The following PTPRN2 variants were observed in gnomAD, a reference collection of about 807,000 sequenced individuals.
The protein encoded by PTPRN2 is protein tyrosine phosphatase receptor type N2, also known as receptor-type tyrosine-protein phosphatase N2.
A neutral mutation model predicts 118.8 loss-of-function variants in PTPRN2; 74 were observed. That is an observed-to-expected ratio of 0.62 (90% CI 0.52 to 0.76). PTPRN2 has a LOEUF of 0.76. PTPRN2 is among the 30% of genes least tolerant of loss of function. The pLI, the probability that PTPRN2 is intolerant of heterozygous loss-of-function variation, is 0.00. For synonymous variants in PTPRN2, 641 were observed against 608.0 expected, an observed-to-expected ratio of 1.05 and a Z score of -0.80; for missense variants, 1,481 against 1,394.4, an observed-to-expected ratio of 1.06 and a Z score of -0.99.
In PTPRN2 at chr7:157,617,437, C is replaced by T. The variant is rs112686807; in HGVS notation, c.2344+3925G>A. On this transcript the variant is annotated intron_variant, in intron 15 of 22. Transcript: ENST00000389418. The surrounding 1 kb of genome is among the most constrained non-coding windows in gnomAD (Gnocchi z 7.5). ...GATGCCGTGGTTAGGACGCCGTTCACGCAGCTGCAGCGCAGAGCACGGGCG... is the reference window on the plus strand; with the variant it reads ...GATGCCGTGGTTAGGACGCCGTTCATGCAGCTGCAGCGCAGAGCACGGGCG... 2 of 146,050 alleles carry T rather than the reference C, an allele frequency of 1.4e-5. No individual in the cohort carries two copies. Among genetic ancestry groups the T allele is most frequent in the Non-Finnish European group, 3.0e-5 (2 of 66,936 alleles). 9.0% of individuals were successfully genotyped at this position (146,050 alleles called of 1,614,324 possible).
At chr7:158,224,803 G>A (rs1238509257) in intron 3 of PTPRN2, among the ~76,000 whole-genome samples, 5 of 152,160 alleles carry the variant, frequency 3.3e-5, no homozygotes. Flanking sequence ...CGCAGAGTTG[G>A]AGAAATATTG....
chr7:158,136,393 T>C (rs531911490), intron 8 of PTPRN2, among the ~76,000 whole-genome samples: 1 of 152,308 alleles, frequency 6.6e-6, no homozygotes, highest in Admixed American at 6.5e-5. Context: ...AAATTAATTT[T>C]CTTCTTTGCA....
At chr7:157,792,831 T>C (rs542356382) in intron 12 of PTPRN2, among the ~76,000 whole-genome samples, 2 of 152,294 alleles carry the variant, frequency 1.3e-5, no homozygotes, top group African/African-American at 4.8e-5. Flanking sequence ...CTGTACGTTC[T>C]ACAGCGTGGC....
chr7:158,484,446 T>C (rs1820859476), intron 2 of PTPRN2, among the ~76,000 whole-genome samples: 1 of 152,224 alleles, frequency 6.6e-6, no homozygotes, highest in African/African-American at 2.4e-5. Flanking sequence ...CACCGTAACC[T>C]CCACCTCCCA....
intron 2 of PTPRN2, among the ~76,000 whole-genome samples, chr7:158,339,669 T>C (rs1806276831): frequency 2.4e-5 from 1 of 42,406 alleles, no homozygotes; most frequent in Admixed American, 2.2e-4. Context: ...AAGTGACACC[T>C]GCAGACATCA....
At chr7:157,910,545 A>G (rs1037671196) in intron 11 of PTPRN2, among the ~76,000 whole-genome samples, 1 of 152,128 alleles carries the variant, frequency 6.6e-6, no homozygotes, top group Non-Finnish European at 1.5e-5. Context: ...ACGCCGTAGG[A>G]ACGGGCGCAG....
At position 157,963,082 on chromosome 7, in the gene PTPRN2, C is replaced by T. The variant is rs778277722; in HGVS notation, c.1724-64345G>A. On this transcript the variant is annotated intron_variant, in intron 11 of 22. Coordinates refer to ENST00000389418, the MANE Select transcript of PTPRN2 (RefSeq NM_002847.5). ...CACGGCAGACACTCAGCCAGCGCAG[C>T]GCCCAGCACAGACGTGCTCAGCAGA... Among the ~76,000 whole-genome samples the T allele has an allele frequency of 6.2e-4, 95 of 152,366 alleles. 1 individual carries two copies. Among genetic ancestry groups the T allele is most frequent in the Non-Finnish European group, 9.8e-4 (67 of 68,038 alleles).
intron 2 of PTPRN2, among the ~76,000 whole-genome samples, chr7:158,372,772 A>G (rs2151322440): frequency 6.6e-6 from 1 of 152,338 alleles, no homozygotes; most frequent in East Asian, 1.9e-4. Context: ...TGTTTTTTAT[A>G]CAGCTTGCAT....
rs528447698 is a variant in PTPRN2 at position 158,438,432 on chromosome 7, G to A, written c.163+51303C>T. ...ATAATTGTACATATTTATGGGCTAC[G>A]GTGTGATGTTTCAACACATATATAC... is the stretch of plus-strand genomic sequence containing the variant. On this transcript the variant is annotated intron_variant, in intron 2 of 22. Coordinates refer to ENST00000389418, the MANE Select transcript of PTPRN2 (RefSeq NM_002847.5). The surrounding 1 kb of genome is among the most constrained non-coding windows in gnomAD (Gnocchi z 4.7). Among the ~76,000 whole-genome samples, 11 of 152,050 alleles carry A rather than the reference G, an allele frequency of 7.2e-5. No homozygotes were observed. The highest frequency in any genetic ancestry group is 4.2e-4 in the South Asian group (2 of 4,792).
chr7:157,631,746 G>A (rs1052577009), intron 14 of PTPRN2, among the ~76,000 whole-genome samples: 9 of 152,116 alleles, frequency 5.9e-5, no homozygotes, highest in Middle Eastern at 3.4e-3. Context: ...GCAGGAGAAC[G>A]GCGTGAACCC....
chr7:158,409,491 G>C (rs1813858901), intron 2 of PTPRN2, among the ~76,000 whole-genome samples: 1 of 152,168 alleles, frequency 6.6e-6, no homozygotes, highest in Non-Finnish European at 1.5e-5. Flanking sequence ...CTAACAGATA[G>C]AGTCAGGTCA....
At chr7:157,554,992 T>TGTGGCGGGCGTCCCAGTGTGGCGGGCGC (rs1362780937) in intron 21 of PTPRN2, among the ~76,000 whole-genome samples, 2 of 151,660 alleles carry the variant, frequency 1.3e-5, no homozygotes, top group African/African-American at 4.9e-5. Context: ...GTGGCGGGCG[T>TGTGGCGGGCGTCCCAGTGTGGCGGGCGC]CCCAGTGTGG....
chr7:158,129,249 CCCACACT>C (rs1048416465), intron 9 of PTPRN2, among the ~76,000 whole-genome samples: 5 of 146,482 alleles, frequency 3.4e-5, no homozygotes, highest in Non-Finnish European at 3.0e-5. Flanking sequence ...CAACAGACAC[CCCACACT>C]ACACACCACA....
chr7:158,314,798 C>A (rs1479902223), intron 3 of PTPRN2, among the ~76,000 whole-genome samples: 1 of 152,262 alleles, frequency 6.6e-6, no homozygotes, highest in Non-Finnish European at 1.5e-5. Flanking sequence ...AAAGCAGACA[C>A]GTGTAGCACT....
At chr7:157,741,286 A>T (rs936688523) in intron 12 of PTPRN2, among the ~76,000 whole-genome samples, 1 of 152,226 alleles carries the variant, frequency 6.6e-6, no homozygotes, top group African/African-American at 2.4e-5. Flanking sequence ...TATCTTTAGT[A>T]AGTAAAATGA....
At chr7:157,749,141 G>A (rs570520932) in intron 12 of PTPRN2, among the ~76,000 whole-genome samples, 1 of 22,624 alleles carries the variant, frequency 4.4e-5, no homozygotes, top group Admixed American at 2.8e-4. Flanking sequence ...CTGCGTCCCT[G>A]AGCTGTGGGC....
chr7:158,497,797 C>A (rs1822061670), intron 1 of PTPRN2, among the ~76,000 whole-genome samples: 1 of 152,278 alleles, frequency 6.6e-6, no homozygotes, highest in African/African-American at 2.4e-5. Flanking sequence ...GGCCTGCCCC[C>A]TGCACAGCCT....
rs188342431 is a variant in PTPRN2 at position 158,568,167 on chromosome 7, C to T, written c.112+19391G>A. On this transcript the variant is annotated intron_variant, in intron 1 of 22. Coordinates refer to ENST00000389418, the MANE Select transcript of PTPRN2 (RefSeq NM_002847.5). Reference sequence around the variant, plus strand: ...ACTTGGGAGGCTGAGGCAGGAGAATCGCTTGAGCCCTGGAGGCAAAGGTTG... The same window carrying T: ...ACTTGGGAGGCTGAGGCAGGAGAATTGCTTGAGCCCTGGAGGCAAAGGTTG... Among the ~76,000 whole-genome samples, 939 of 152,218 alleles carry T rather than the reference C, an allele frequency of 6.2e-3. 9 individuals are homozygous for T. The highest frequency in any genetic ancestry group is 0.022 in the Admixed American group (336 of 15,300).
intron 2 of PTPRN2, among the ~76,000 whole-genome samples, chr7:158,322,291 T>C (rs1016940653): frequency 2.6e-5 from 4 of 152,174 alleles, no homozygotes; most frequent in Non-Finnish European, 5.9e-5. Context: ...TCCAGGATCC[T>C]GGGGCAACAG....
Sources: gnomAD v4.1 joint callset for allele counts (sites outside exome capture counted in the v4.1 genomes callset) on GRCh38, gnomAD v4.1.1 for gene constraint, Gnocchi (gnomAD v3.1) non-coding constraint, MANE v1.5 for transcripts, NCBI Gene and HGNC (gene_info 2026-07-23, HGNC 2026-07-21) for gene names.